SEPTIN9: variants seen among roughly 807,000 people sequenced by gnomAD.
SEPTIN9 encodes septin-9.
In SEPTIN9, 13 loss-of-function variants were observed where a neutral mutation model predicts 56.6. The ratio of observed to expected loss-of-function variants is 0.23; its 90% CI spans 0.15 to 0.37. SEPTIN9 has a LOEUF of 0.37. Ranked by LOEUF, SEPTIN9 falls within the 10% of genes least tolerant of loss-of-function variation. SEPTIN9 has a pLI of 1.00. For missense variants in SEPTIN9, 650 were observed against 823.1 expected, an observed-to-expected ratio of 0.79 and a Z score of 2.57; for synonymous variants, 332 against 334.1, an observed-to-expected ratio of 0.99 and a Z score of 0.07.
chr17:77,403,523 T>C (rs947201456), intron 3 of SEPTIN9, among the ~76,000 whole-genome samples: 4 of 152,118 alleles, frequency 2.6e-5, no homozygotes, highest in Non-Finnish European at 5.9e-5. Context: ...CAGGGCCTGT[T>C]TGGAAATGCC....
At chr17:77,382,023 T>TTTTC (rs571364407) in intron 2 of SEPTIN9, among the ~76,000 whole-genome samples, 41 of 152,034 alleles carry the variant, frequency 2.7e-4, no homozygotes, top group Non-Finnish European at 5.3e-4. Context: ...CTTTTTTTCT[T>TTTTC]TTTCTTTCTT....
intron 1 of SEPTIN9, among the ~76,000 whole-genome samples, chr17:77,292,300 C>G (rs1359467315): frequency 6.6e-6 from 1 of 152,214 alleles, no homozygotes; most frequent in Non-Finnish European, 1.5e-5. Flanking sequence ...ACCTGTTGGT[C>G]TCCATCTCTG....
rs2034707649 is a variant in SEPTIN9, at chr17:77,371,144, C to T, written c.77-30915C>T. Reference sequence around the variant, plus strand: ...TTTCCTGAAAGAGCTCGGGGAACCTCCTTACCTGGAGGTTTCTAGGCCTGG... The same window carrying T: ...TTTCCTGAAAGAGCTCGGGGAACCTTCTTACCTGGAGGTTTCTAGGCCTGG... On this transcript the variant is annotated intron_variant, in intron 2 of 11. Coordinates refer to ENST00000427177, the MANE Select transcript of SEPTIN9 (RefSeq NM_001113491.2). This position sits in a 1 kb window ranked among gnomAD's most constrained non-coding sequence, Gnocchi z 4.1. Among the ~76,000 whole-genome samples the T allele has an allele frequency of 6.6e-6, 1 of 152,180 alleles. No individual in the cohort carries two copies. The highest frequency in any genetic ancestry group is 1.5e-5 in the Non-Finnish European group (1 of 68,046).
In SEPTIN9 at chr17:77,313,674, A is replaced by AGCAAACT. The variant is rs957001487; in HGVS notation, c.76+6478_76+6484dup. On this transcript the variant is annotated intron_variant, in intron 2 of 11. Transcript: ENST00000427177. This position sits in a 1 kb window ranked among gnomAD's most constrained non-coding sequence, Gnocchi z 4.5. ...AGCTCCTTCATTTTTAATTCAGGGA[A>AGCAAACT]GCAAACTTCAGTGGTTGAGTCTGAG... 2.6e-5 allele frequency among the ~76,000 whole-genome samples: 4 copies of AGCAAACT among 152,198 alleles called. No homozygotes were observed. In the East Asian group the frequency reaches 7.7e-4, roughly 29 times the overall value.
intron 3 of SEPTIN9, among the ~76,000 whole-genome samples, chr17:77,452,149 G>C (rs1258253211): frequency 6.6e-6 from 1 of 152,208 alleles, no homozygotes; most frequent in Admixed American, 6.5e-5. Flanking sequence ...TGCTGCTGGC[G>C]GGGCTGGTCT....
At chr17:77,479,931 C>T (rs1043366734) in intron 3 of SEPTIN9, among the ~76,000 whole-genome samples, 1 of 152,234 alleles carries the variant, frequency 6.6e-6, no homozygotes, top group Non-Finnish European at 1.5e-5. Flanking sequence ...GAAGCGGCCC[C>T]AAAGCCACAT....
At chr17:77,473,072 A>C (rs182875522) in intron 3 of SEPTIN9, among the ~76,000 whole-genome samples, 2 of 152,322 alleles carry the variant, frequency 1.3e-5, no homozygotes, top group African/African-American at 4.8e-5. Flanking sequence ...CAGGGATGAC[A>C]TTCCTTATCG....
chr17:77,494,908 G>A (rs1400471333), intron 10 of SEPTIN9, among the ~76,000 whole-genome samples: 1 of 152,222 alleles, frequency 6.6e-6, no homozygotes, highest in African/African-American at 2.4e-5. Context: ...CTGCCCAGCT[G>A]GGTGCAGCCT....
chr17:77,459,844 T>A (rs1467887024), intron 3 of SEPTIN9, among the ~76,000 whole-genome samples: 1 of 152,070 alleles, frequency 6.6e-6, no homozygotes, highest in Non-Finnish European at 1.5e-5. Flanking sequence ...CCCGGCTAAT[T>A]TTTTTGTATT....
Position 77,323,805 on chromosome 17 carries a change from C to T in SEPTIN9, c.76+16608C>T, listed in dbSNP as rs1193148824. On this transcript the variant is annotated intron_variant, in intron 2 of 11. Transcript: ENST00000427177. The surrounding 1 kb of genome is among the most constrained non-coding windows in gnomAD (Gnocchi z 6.8). Reference sequence around the variant, plus strand: ...AACCTCTCCAGCTCTGCTTTTCCATCTCCGAGGTGAGAGGCCTGGCCTGAC... The same window carrying T: ...AACCTCTCCAGCTCTGCTTTTCCATTTCCGAGGTGAGAGGCCTGGCCTGAC... 3 of 152,396 alleles carry T rather than the reference C, an allele frequency of 2.0e-5. No individual in the cohort carries two copies. Among genetic ancestry groups the T allele is most frequent in the African/African-American group, 7.2e-5 (3 of 41,458 alleles). 9.4% of individuals were successfully genotyped at this position (152,396 alleles called of 1,614,324 possible). A position where few individuals can be genotyped will look rare whatever the true frequency, so the allele number is the denominator to read the frequency against.
intron 2 of SEPTIN9, among the ~76,000 whole-genome samples, chr17:77,356,235 G>A (rs951163618): frequency 3.9e-5 from 6 of 152,254 alleles, no homozygotes; most frequent in Admixed American, 2.6e-4. Context: ...AGCCCGCACC[G>A]CGAGGCTTCC....
Position 77,420,544 on chromosome 17 carries a change from A to G in SEPTIN9, c.721+17841A>G, listed in dbSNP as rs1045024923. ...AGAGGACCTGGGAATCCTCAGCCCA[A>G]CTGTCCAGAGGAGTCTTTCTCAGTG... is the stretch of plus-strand genomic sequence containing the variant. On this transcript the variant is annotated intron_variant, in intron 3 of 11. Transcript: ENST00000427177. Among the ~76,000 whole-genome samples, 5 of 151,776 alleles carry G rather than the reference A, an allele frequency of 3.3e-5. No individual in the cohort carries two copies. The South Asian group carries it at 8.4e-4, about 25-fold the overall frequency.
At chr17:77,444,086 A>T (rs981843686) in intron 3 of SEPTIN9, among the ~76,000 whole-genome samples, 10 of 152,046 alleles carry the variant, frequency 6.6e-5, no homozygotes, top group Middle Eastern at 3.2e-3. Flanking sequence ...GACATTTACC[A>T]GGGGGGATTT....
At chr17:77,361,884 G>A (rs565967149) in intron 2 of SEPTIN9, among the ~76,000 whole-genome samples, 53 of 151,642 alleles carry the variant, frequency 3.5e-4, no homozygotes, top group African/African-American at 1.1e-3. Context: ...CGCCCGCCTC[G>A]GCCTCCCAAA....
chr17:77,353,023 A>G (rs1368034917), intron 2 of SEPTIN9, among the ~76,000 whole-genome samples: 5 of 152,196 alleles, frequency 3.3e-5, no homozygotes, highest in African/African-American at 1.2e-4. Flanking sequence ...AAATAACCCA[A>G]TTACATCTTC....
chr17:77,450,240 C>T lies in SEPTIN9; in HGVS notation c.722-31904C>T, dbSNP rs2037914184. On this transcript the variant is annotated intron_variant, in intron 3 of 11. Transcript: ENST00000427177. This position sits in a 1 kb window ranked among gnomAD's most constrained non-coding sequence, Gnocchi z 6.0. ...CGCTGGACGTGGCTGGCCTGTTTGG[C>T]CAGTGTGGCGGGTGCCCCGGGGCTT... Among the ~76,000 whole-genome samples the T allele has an allele frequency of 6.6e-6, 1 of 152,156 alleles. No homozygotes were observed. Among genetic ancestry groups the T allele is most frequent in the African/African-American group, 2.4e-5 (1 of 41,436 alleles).
intron 1 of SEPTIN9, among the ~76,000 whole-genome samples, chr17:77,295,915 G>C (rs2031790837): frequency 6.6e-6 from 1 of 152,076 alleles, no homozygotes. Context: ...GGACCAAACT[G>C]TGCCCTTCCC....
At position 77,482,272 on chromosome 17, in the gene SEPTIN9, A is replaced by G. The variant is rs1201278317; in HGVS notation, c.850A>G (p.Ile284Val). ...VDFGYVGIDS[I>V]LEQMRRKAMK... ...CTTCGGCTACGTGGGGATTGACTCC[A>G]TCCTGGAGCAGATGCGCCGGAAGGC... The change falls in exon 4 of 12, where the codon ATC becomes GTC. Residue 284 changes from isoleucine to valine, a missense_variant. This residue lies in a region of SEPTIN9 where 333 missense variants were observed against 494.0 expected (regional missense o/e 0.67). Transcript: ENST00000427177. 10 of 1,613,118 alleles carry G rather than the reference A, an allele frequency of 6.2e-6. No individual in the cohort carries two copies. Among genetic ancestry groups the G allele is most frequent in the Non-Finnish European group, 7.6e-6 (9 of 1,179,874 alleles).
intron 2 of SEPTIN9, among the ~76,000 whole-genome samples, chr17:77,363,405 T>TTTA (rs2034480463): frequency 1.4e-5 from 2 of 145,718 alleles, no homozygotes; most frequent in East Asian, 2.0e-4. Context: ...TTTTTTTTTT[T>TTTA]GAGATGGAGT....
Sources: gnomAD v4.1 joint callset for allele counts (sites outside exome capture counted in the v4.1 genomes callset) on GRCh38, gnomAD v4.1.1 for gene constraint, gnomAD v4.1.1 regional missense constraint, Gnocchi (gnomAD v3.1) non-coding constraint, MANE v1.5 for transcripts, NCBI Gene and HGNC (gene_info 2026-07-23, HGNC 2026-07-21) for gene names.